ZMYND19: variants seen among roughly 807,000 people sequenced by gnomAD.
ZMYND19 encodes the protein zinc finger MYND domain-containing protein 19.
Under a neutral mutation model 32.0 loss-of-function variants are expected in ZMYND19, and 17 were observed. The ratio of observed to expected loss-of-function variants is 0.53; its 90% CI spans 0.36 to 0.80. The LOEUF is 0.80. Ranked by LOEUF, ZMYND19 falls within the 30% of genes least tolerant of loss-of-function variation. The pLI, the probability that ZMYND19 is intolerant of heterozygous loss-of-function variation, is 0.00. For missense variants in ZMYND19, 250 were observed against 293.6 expected, an observed-to-expected ratio of 0.85 and a Z score of 1.09; for synonymous variants, 124 against 113.6, an observed-to-expected ratio of 1.09 and a Z score of -0.58.
chr9:137,583,273 G>A (rs961524013), intron 4 of ZMYND19, 110 bp from the exon 5 acceptor site: 37 of 1,222,506 alleles, frequency 3.0e-5, no homozygotes, highest in Admixed American at 8.3e-5. Context: ...CACCCAGCCC[G>A]AGTTTGAGTC....
rs1842156090 is a variant in ZMYND19, at chr9:137,582,365, G to A, written c.*178C>T. 1 of 781,472 alleles carries A rather than the reference G, an allele frequency of 1.3e-6. No individual in the cohort carries two copies. Among genetic ancestry groups the A allele is most frequent in the Admixed American group, 3.1e-5 (1 of 32,610 alleles). 48.4% of individuals were successfully genotyped at this position (781,472 alleles called of 1,614,324 possible). ...AGCCTCCTCCGTTGTCTCTGCTGGA[G>A]ATGAACACTGAGGGGCGCTGTAACC... On this transcript the variant is annotated 3_prime_UTR_variant, in exon 6 of 6. Transcript: ENST00000298585.
chr9:137,582,901 G>A lies in ZMYND19; in HGVS notation c.540+82C>T, dbSNP rs887953942. The A allele has an allele frequency of 9.6e-6, 15 of 1,567,392 alleles. No individual in the cohort carries two copies. The East Asian group carries it at 1.1e-4, about 12-fold the overall frequency. On this transcript the variant is annotated intron_variant, in intron 5 of 5. Coordinates refer to ENST00000298585, the MANE Select transcript of ZMYND19 (RefSeq NM_138462.3). The stretch of plus-strand genomic sequence containing the variant: ...AGCGGTCTCTGGGGAATGGGACCCC[G>A]CGGTGGAGGGCAAGATCCCAAACCA...
Position 137,590,062 on chromosome 9 carries a change from CA to C in ZMYND19, c.51+150del. 1.0e-6 allele frequency: 1 copy of C among 983,984 alleles called. No homozygotes were observed. Among genetic ancestry groups the C allele is most frequent in the African/African-American group, 1.8e-5 (1 of 57,112 alleles). 61.0% of individuals were successfully genotyped at this position (983,984 alleles called of 1,614,324 possible). On this transcript the variant is annotated intron_variant, in intron 1 of 5. Coordinates refer to ENST00000298585, the MANE Select transcript of ZMYND19 (RefSeq NM_138462.3). The surrounding 1 kb of genome is among the most constrained non-coding windows in gnomAD (Gnocchi z 4.2). ...GGAAGCTGCACCCGCGCGGGGCCAGCAGCCGGGCCCGCGCAGCGTCCCCCGC... is the reference window on the plus strand; with the variant it reads ...GGAAGCTGCACCCGCGCGGGGCCAGCGCCGGGCCCGCGCAGCGTCCCCCGC...
In ZMYND19 at chr9:137,586,410, G is replaced by A. The variant is rs541606249; in HGVS notation, c.359+557C>T. ...AAGGAATCCTGAGGTGAGGAGAGAA[G>A]GAAGGAATCCTGACGTGAGCAGAGA... is the stretch of plus-strand genomic sequence containing the variant. On this transcript the variant is annotated intron_variant, in intron 4 of 5. Transcript: ENST00000298585. Among the ~76,000 whole-genome samples, 3 of 150,882 alleles carry A rather than the reference G, an allele frequency of 2.0e-5. No homozygotes were observed. The South Asian group carries it at 6.3e-4, about 32-fold the overall frequency.
chr9:137,585,438 C>T (rs1016281503), intron 4 of ZMYND19, among the ~76,000 whole-genome samples: 6 of 148,140 alleles, frequency 4.1e-5, no homozygotes, highest in Non-Finnish European at 7.4e-5. Flanking sequence ...AAAAAAAATG[C>T]TGAGGCAAGA....
chr9:137,587,967 C>G (rs1842224998), intron 2 of ZMYND19, 144 bp from the exon 3 acceptor site: 1 of 795,192 alleles, frequency 1.3e-6, no homozygotes, highest in Non-Finnish European at 2.1e-6. Flanking sequence ...GAGTGCAGAG[C>G]TTCCCACAGG....
chr9:137,586,854 A>G, intron 4 of ZMYND19, 113 bp downstream of exon 4: 1 of 1,395,030 alleles, frequency 7.2e-7, no homozygotes, highest in South Asian at 1.3e-5. Context: ...AAATACACAG[A>G]AGCATCAGGG....
At chr9:137,587,312 A>C (rs1842216805) in intron 3 of ZMYND19, 1 of 810,256 alleles carries the variant, frequency 1.2e-6, no homozygotes, top group African/African-American at 1.7e-5. Context: ...CAAACAGGAC[A>C]GGGACACAGG....
At position 137,590,234 on chromosome 9, in the gene ZMYND19, C is replaced by A. The variant is rs913603871; in HGVS notation, c.30G>T (p.Arg10=). ...TCACCTTCCCGGCCACCCGGCCGAGCCGCACGATACCCAATTTGAAGTCGG... is the reference window on the plus strand; with the variant it reads ...TCACCTTCCCGGCCACCCGGCCGAGACGCACGATACCCAATTTGAAGTCGG... The part of the protein sequence containing the change: MTDFKLGIV[R]LGRVAGKTKY... The change falls in exon 1 of 6, where the codon CGG becomes CGT. Residue 10 remains arginine, a synonymous_variant. Transcript: ENST00000298585. This position sits in a 1 kb window ranked among gnomAD's most constrained non-coding sequence, Gnocchi z 4.2. 7 of 1,150,236 alleles carry A rather than the reference C, an allele frequency of 6.1e-6. No homozygotes were observed. In the African/African-American group the frequency reaches 1.2e-4, roughly 19 times the overall value. 71.3% of individuals were successfully genotyped at this position (1,150,236 alleles called of 1,614,324 possible). A position where few individuals can be genotyped will look rare whatever the true frequency, so the allele number is the denominator to read the frequency against.
chr9:137,585,192 G>T (rs546133908), intron 4 of ZMYND19, among the ~76,000 whole-genome samples: 22 of 152,258 alleles, frequency 1.4e-4, no homozygotes, highest in South Asian at 1.2e-3. Context: ...GGAGGCTGAG[G>T]CAGGCGGATC....
intron 4 of ZMYND19, among the ~76,000 whole-genome samples, chr9:137,584,893 C>A (rs1011074290): frequency 6.6e-6 from 1 of 152,190 alleles, no homozygotes; most frequent in Admixed American, 6.5e-5. Context: ...TGGCTCTCCA[C>A]ATTTCAGTCA....
At chr9:137,589,983 G>A (rs1842253132) in intron 1 of ZMYND19, 1 of 985,308 alleles carries the variant, frequency 1.0e-6, no homozygotes, top group South Asian at 4.7e-5. Flanking sequence ...GCAGGGCCGA[G>A]GGTGGCCAGG....
Position 137,582,162 on chromosome 9 carries a change from A to T in ZMYND19, c.*381T>A, listed in dbSNP as rs1357570819. The T allele has an allele frequency of 5.8e-6, 1 of 173,388 alleles. No homozygotes were observed. Among genetic ancestry groups the T allele is most frequent in the Non-Finnish European group, 1.2e-5 (1 of 81,586 alleles). The allele number at this position is 173,388 out of a possible 1,614,324, so 10.7% of individuals were successfully genotyped here. ...CACGGGGCTCCCGGCGGCCCAGGGG[A>T]GAAGCTTCGACAACAGGACAGTTTT... On this transcript the variant is annotated 3_prime_UTR_variant, in exon 6 of 6. Transcript: ENST00000298585.
In ZMYND19 at chr9:137,582,476, C is replaced by T. The variant is rs1842157492; in HGVS notation, c.*67G>A. The T allele has an allele frequency of 3.2e-6, 5 of 1,548,480 alleles. No individual in the cohort carries two copies. The highest frequency in any genetic ancestry group is 2.4e-5 in the South Asian group (2 of 83,500). Reference sequence around the variant, plus strand: ...TTTTTGGCACCTCCAGGTTCAACCACCAGTCTGTCTCTGCTGTGCCCAGGG... The same window carrying T: ...TTTTTGGCACCTCCAGGTTCAACCATCAGTCTGTCTCTGCTGTGCCCAGGG... On this transcript the variant is annotated 3_prime_UTR_variant, in exon 6 of 6. Coordinates refer to ENST00000298585, the MANE Select transcript of ZMYND19 (RefSeq NM_138462.3).
intron 4 of ZMYND19, among the ~76,000 whole-genome samples, chr9:137,586,505 G>A (rs893778311): frequency 6.8e-6 from 1 of 147,236 alleles, no homozygotes; most frequent in African/African-American, 2.5e-5. Flanking sequence ...ATCCCGAGGT[G>A]AGAGAAGGAA....
chr9:137,582,682 C>A lies in ZMYND19; in HGVS notation c.545G>T (p.Arg182Leu). ...GCAGCGCCCACAGATGTTGAACTCC[C>A]GGAGCTGAAATACAGAACACCTGTG... ...PPCTVIEKQL[R>L]EFNICGRCQV... The change falls in exon 6 of 6, where the codon CGG (arginine) becomes CTG (leucine). Residue 182 changes from arginine to leucine, a missense_variant. Around this residue, in one of 2 missense-constraint regions of ZMYND19, gnomAD observed 38 missense variants for 74.9 expected, o/e 0.51. Coordinates refer to ENST00000298585, the MANE Select transcript of ZMYND19 (RefSeq NM_138462.3). 1 of 1,612,616 alleles carries A rather than the reference C, an allele frequency of 6.2e-7. No homozygotes were observed. The highest frequency in any genetic ancestry group is 8.5e-7 in the Non-Finnish European group (1 of 1,179,852).
At chr9:137,589,441 A>G (rs550614659) in intron 1 of ZMYND19, 2 of 985,336 alleles carry the variant, frequency 2.0e-6, no homozygotes, top group East Asian at 2.3e-4. Flanking sequence ...CCTCTCTCCC[A>G]CCAAAAGCCG....
chr9:137,588,580 G>T, intron 2 of ZMYND19, 79 bp downstream of exon 2: 2 of 1,524,268 alleles, frequency 1.3e-6, no homozygotes, highest in Non-Finnish European at 1.8e-6. Context: ...TTGCAGCACA[G>T]GGGAGAGAGC....
chr9:137,583,892 G>T (rs1335506141), intron 4 of ZMYND19, among the ~76,000 whole-genome samples: 1 of 152,264 alleles, frequency 6.6e-6, no homozygotes, highest in African/African-American at 2.4e-5. Context: ...TGTGGGGGCT[G>T]AGCTGACACA....
Sources: allele counts gnomAD v4.1 joint callset (sites outside exome capture counted in the v4.1 genomes callset), GRCh38; gene constraint gnomAD v4.1.1; regional missense constraint gnomAD v4.1.1; non-coding constraint Gnocchi (gnomAD v3.1); transcripts MANE v1.5; gene names NCBI Gene and HGNC (gene_info 2026-07-23, HGNC 2026-07-21).